PTPRD: variants seen among roughly 807,000 people sequenced by gnomAD.
PTPRD encodes the protein protein tyrosine phosphatase receptor type D, also known as receptor-type tyrosine-protein phosphatase delta.
Under a neutral mutation model 214.5 loss-of-function variants are expected in PTPRD, and 34 were observed. The ratio of observed to expected loss-of-function variants is 0.16; its 90% CI spans 0.12 to 0.21. PTPRD has a LOEUF of 0.21. PTPRD is among the 10% of genes least tolerant of loss of function. The pLI is 1.00. For synonymous variants in PTPRD, 1,128 were observed against 845.7 expected (o/e 1.33, Z -5.79); for missense variants, 2,545 against 2,398.7 (o/e 1.06, Z -1.27).
intron 30 of PTPRD, among the ~76,000 whole-genome samples, chr9:8,471,895 G>A (rs964872250): frequency 6.6e-6 from 1 of 152,090 alleles, no homozygotes; most frequent in African/African-American, 2.4e-5. Context: ...TCCTGTTTAG[G>A]GATTCTGCTC....
chr9:8,625,303 T>TCA (rs1203894923), intron 14 of PTPRD, among the ~76,000 whole-genome samples: 1 of 151,862 alleles, frequency 6.6e-6, no homozygotes, highest in Non-Finnish European at 1.5e-5. Flanking sequence ...TTAAAAGCCA[T>TCA]CACGTTTTTA....
chr9:9,360,919 G>A (rs1264665335), intron 9 of PTPRD, among the ~76,000 whole-genome samples: 1 of 151,042 alleles, frequency 6.6e-6, no homozygotes, highest in Admixed American at 6.6e-5. Context: ...GAAGCCAGAT[G>A]TGTACACAGA....
chr9:10,229,603 CA>C (rs1017631647), intron 3 of PTPRD, among the ~76,000 whole-genome samples: 1 of 145,568 alleles, frequency 6.9e-6, no homozygotes, highest in Non-Finnish European at 1.5e-5. Flanking sequence ...ATCACAAGGA[CA>C]AAAAACCAAA....
chr9:9,531,473 T>C (rs1315850338), intron 8 of PTPRD, among the ~76,000 whole-genome samples: 1 of 152,184 alleles, frequency 6.6e-6, no homozygotes, highest in Non-Finnish European at 1.5e-5. Context: ...TGTGATTTTC[T>C]TGCAATGTTC....
chr9:10,286,825 T>C (rs1384406777), intron 3 of PTPRD, among the ~76,000 whole-genome samples: 1 of 152,062 alleles, frequency 6.6e-6, no homozygotes, highest in Non-Finnish European at 1.5e-5. Flanking sequence ...GGTCTTGAAC[T>C]CCTGACCTCA....
At chr9:9,344,756 T>A (rs915267561) in intron 9 of PTPRD, among the ~76,000 whole-genome samples, 1 of 152,030 alleles carries the variant, frequency 6.6e-6, no homozygotes, top group Non-Finnish European at 1.5e-5. Flanking sequence ...ATATTTAATA[T>A]TTTTTATTTT....
At chr9:10,359,725 T>C (rs909981654) in intron 2 of PTPRD, among the ~76,000 whole-genome samples, 1 of 152,176 alleles carries the variant, frequency 6.6e-6, no homozygotes, top group African/African-American at 2.4e-5. Context: ...TTAACATACA[T>C]TAACTCTATA....
intron 8 of PTPRD, among the ~76,000 whole-genome samples, chr9:9,510,279 G>C (rs1260244876): frequency 6.6e-6 from 1 of 151,176 alleles, no homozygotes; most frequent in Non-Finnish European, 1.5e-5. Context: ...ACTTAGAATA[G>C]TATCTCTTTT....
intron 3 of PTPRD, among the ~76,000 whole-genome samples, chr9:10,071,926 T>C (rs1263155036): frequency 6.6e-6 from 1 of 151,986 alleles, no homozygotes; most frequent in African/African-American, 2.4e-5. Context: ...AAAATAATTA[T>C]TATCTACTAA....
intron 7 of PTPRD, among the ~76,000 whole-genome samples, chr9:9,618,496 G>A (rs1008829592): frequency 3.3e-5 from 5 of 152,140 alleles, no homozygotes; most frequent in Middle Eastern, 3.2e-3. Flanking sequence ...CAGTGACACT[G>A]CAGAGGAGAG....
intron 11 of PTPRD, among the ~76,000 whole-genome samples, chr9:8,940,779 C>A (rs2099028743): frequency 6.6e-6 from 1 of 151,884 alleles, no homozygotes; most frequent in Non-Finnish European, 1.5e-5. Context: ...AGTACTGTTC[C>A]TTGGGTAGAT....
rs570385396 is a variant in PTPRD at position 9,870,070 on chromosome 9, A to C, written c.-368+68437T>G. ...GTATCTACAGGTACTTGATACATAT[A>C]TCTTAACATGATATCTTAGATTTGT... On this transcript the variant is annotated intron_variant, in intron 5 of 45. Coordinates refer to ENST00000381196, the MANE Select transcript of PTPRD (RefSeq NM_002839.4). Among the ~76,000 whole-genome samples the C allele has an allele frequency of 5.9e-5, 9 of 152,242 alleles. No homozygotes were observed. In the South Asian group the frequency reaches 1.7e-3, roughly 28 times the overall value.
intron 5 of PTPRD, among the ~76,000 whole-genome samples, chr9:9,813,524 T>C (rs2047818161): frequency 6.6e-6 from 1 of 151,986 alleles, no homozygotes; most frequent in Non-Finnish European, 1.5e-5. Context: ...CTAGAAGAAA[T>C]TAATAAATTC....
At chr9:9,945,572 G>C (rs76130007) in intron 4 of PTPRD, among the ~76,000 whole-genome samples, 1 of 152,076 alleles carries the variant, frequency 6.6e-6, no homozygotes, top group Non-Finnish European at 1.5e-5. Context: ...GTTAAGTAAT[G>C]CAAGTTGAAG....
chr9:9,116,810 A>G (rs921306672), intron 10 of PTPRD, among the ~76,000 whole-genome samples: 1 of 152,120 alleles, frequency 6.6e-6, no homozygotes, highest in Non-Finnish European at 1.5e-5. Context: ...TATCTCCTCC[A>G]GATACCTTGT....
At chr9:9,270,010 T>C (rs1410758931) in intron 9 of PTPRD, among the ~76,000 whole-genome samples, 2 of 150,422 alleles carry the variant, frequency 1.3e-5, no homozygotes, top group African/African-American at 2.4e-5. Context: ...TTTGTTACTA[T>C]ATAATATTAC....
chr9:9,655,910 G>A (rs971135334), intron 7 of PTPRD, among the ~76,000 whole-genome samples: 7 of 151,868 alleles, frequency 4.6e-5, no homozygotes, highest in African/African-American at 7.2e-5. Flanking sequence ...CCCAGGAGAC[G>A]GAGGTTGCAG....
chr9:10,261,532 G>T (rs558879608), intron 3 of PTPRD, among the ~76,000 whole-genome samples: 1 of 152,128 alleles, frequency 6.6e-6, no homozygotes, highest in East Asian at 1.9e-4. Context: ...AGAATGTTGT[G>T]TGTGTGTATA....
intron 3 of PTPRD, among the ~76,000 whole-genome samples, chr9:10,205,998 T>C (rs1305206095): frequency 6.7e-6 from 1 of 149,972 alleles, no homozygotes; most frequent in East Asian, 2.0e-4. Context: ...AGGAGTCTGA[T>C]ATGTAAATCA....
Sources: gnomAD v4.1 joint callset for allele counts (sites outside exome capture counted in the v4.1 genomes callset) on GRCh38, gnomAD v4.1.1 for gene constraint, MANE v1.5 for transcripts, NCBI Gene and HGNC (gene_info 2026-07-23, HGNC 2026-07-21) for gene names.